SV2C: variants seen among roughly 807,000 people sequenced by gnomAD.
SV2C encodes synaptic vesicle glycoprotein 2C.
SV2C carries 49 observed loss-of-function variants against 79.7 expected under a neutral mutation model. The ratio of observed to expected loss-of-function variants is 0.61; its 90% CI spans 0.49 to 0.78. The LOEUF (loss-of-function observed/expected upper bound fraction) is 0.78. Among genes scored for constraint, SV2C ranks in the 30% least tolerant of loss-of-function variants. The pLI is 0.00. For synonymous variants in SV2C, 334 were observed against 333.2 expected (o/e 1.00, Z -0.03); for missense variants, 833 against 912.9 (o/e 0.91, Z 1.13).
the SV2C span, among the ~76,000 whole-genome samples, chr5:76,030,289 T>TTTTTTTTTTTTTTTTTTTTTTTTTTA: frequency 8.5e-6 from 1 of 117,874 alleles, no homozygotes; most frequent in Non-Finnish European, 1.7e-5. Flanking sequence ...TTTTTTTTTT[T>TTTTTTTTTTTTTTTTTTTTTTTTTTA]TTTATTTATT....
At chr5:76,184,582 A>G (rs1743851375) in intron 2 of SV2C, among the ~76,000 whole-genome samples, 1 of 152,200 alleles carries the variant, frequency 6.6e-6, no homozygotes, top group Non-Finnish European at 1.5e-5. Flanking sequence ...TCATGGCAAA[A>G]GGCACCTCTT....
At chr5:76,074,377 C>T in the SV2C span, among the ~76,000 whole-genome samples, 1 of 152,062 alleles carries the variant, frequency 6.6e-6, no homozygotes, top group African/African-American at 2.4e-5. Flanking sequence ...TGCATCTTAC[C>T]AGATGCCACA....
intron 12 of SV2C, among the ~76,000 whole-genome samples, chr5:76,306,135 A>T (rs886608561): frequency 5.3e-5 from 8 of 152,140 alleles, no homozygotes; most frequent in Non-Finnish European, 1.0e-4. Context: ...ACAGCCTCAA[A>T]CTCCTGCGCT....
the SV2C span, among the ~76,000 whole-genome samples, chr5:76,036,824 A>G: frequency 6.6e-6 from 1 of 152,144 alleles, no homozygotes; most frequent in South Asian, 2.1e-4. Flanking sequence ...CTCCTGCATA[A>G]TATCCTGCAG....
chr5:75,992,425 A>G, the SV2C span, among the ~76,000 whole-genome samples: 4 of 152,078 alleles, frequency 2.6e-5, no homozygotes, highest in African/African-American at 9.7e-5. Context: ...TTTAGTTAAT[A>G]TCAGTCCCCA....
chr5:76,064,341 C>G, the SV2C span, among the ~76,000 whole-genome samples: 1 of 152,134 alleles, frequency 6.6e-6, no homozygotes, highest in Non-Finnish European at 1.5e-5. Context: ...TCCACAAGGG[C>G]TCCTCCCACC....
upstream of SV2C, chr5:76,079,478 G>T: frequency 7.0e-6 from 2 of 284,430 alleles, no homozygotes; most frequent in South Asian, 9.4e-5. Flanking sequence ...GAGAGAATTG[G>T]ATTGTGTGAC....
At chr5:76,117,880 A>T (rs755866083) in intron 1 of SV2C, among the ~76,000 whole-genome samples, 7 of 152,212 alleles carry the variant, frequency 4.6e-5, no homozygotes, top group Non-Finnish European at 1.0e-4. Flanking sequence ...CTTAAAATAG[A>T]CTATATAAAA....
At chr5:76,086,139 T>G (rs895636073) in intron 1 of SV2C, among the ~76,000 whole-genome samples, 12 of 152,196 alleles carry the variant, frequency 7.9e-5, no homozygotes, top group African/African-American at 2.9e-4. Flanking sequence ...CCTAACAGCT[T>G]GTAGTAAAAC....
At chr5:76,005,761 C>T in the SV2C span, among the ~76,000 whole-genome samples, 4 of 152,170 alleles carry the variant, frequency 2.6e-5, no homozygotes, top group Non-Finnish European at 5.9e-5. Context: ...GAATGGAATG[C>T]AGAATGGAGG....
chr5:76,226,528 G>A (rs949701468), intron 4 of SV2C, among the ~76,000 whole-genome samples: 1 of 152,172 alleles, frequency 6.6e-6, no homozygotes, highest in Non-Finnish European at 1.5e-5. Flanking sequence ...TTCTTATAGA[G>A]ATACAATTTA....
At chr5:76,351,394 G>C (rs914591259) in intron 12 of SV2C, among the ~76,000 whole-genome samples, 1 of 151,946 alleles carries the variant, frequency 6.6e-6, no homozygotes, top group African/African-American at 2.4e-5. Context: ...GTTGCAGTGA[G>C]CCATGATCGC....
chr5:75,902,921 T>C, the SV2C span, among the ~76,000 whole-genome samples: 2 of 152,210 alleles, frequency 1.3e-5, no homozygotes, highest in African/African-American at 2.4e-5. Context: ...AGCAGGATGA[T>C]CTAAAAGGCT....
In SV2C at chr5:76,330,860, T is replaced by TTTTGGGG. The variant is rs1554048529; in HGVS notation, c.*5313_*5314insTTTGGGG. On this transcript the variant is annotated 3_prime_UTR_variant, in exon 13 of 13. Coordinates refer to ENST00000502798, the MANE Select transcript of SV2C (RefSeq NM_014979.4). The stretch of plus-strand genomic sequence containing the variant: ...CTCTAGAGCATTTTTTTTTTTTTTT[T>TTTTGGGG]GGGCGGGGGGGCGGGGGACGGAGTC... The TTTTGGGG allele has an allele frequency of 4.4e-4, 6 of 13,642 alleles. No individual in the cohort carries two copies. The highest frequency in any genetic ancestry group is 1.2e-3 in the African/African-American group (5 of 4,118). 0.8% of individuals were successfully genotyped at this position (13,642 alleles called of 1,614,324 possible).
chr5:75,971,803 T>C, the SV2C span, among the ~76,000 whole-genome samples: 1 of 152,094 alleles, frequency 6.6e-6, no homozygotes, highest in Non-Finnish European at 1.5e-5. Flanking sequence ...AACGACTTTC[T>C]TCACAGAATT....
At chr5:75,863,530 T>A in the SV2C span, among the ~76,000 whole-genome samples, 1 of 152,218 alleles carries the variant, frequency 6.6e-6, no homozygotes, top group South Asian at 2.1e-4. Context: ...TTGCAAATAA[T>A]CTGATTATCC....
the SV2C span, among the ~76,000 whole-genome samples, chr5:75,871,082 T>C: frequency 2.0e-5 from 3 of 152,304 alleles, no homozygotes; most frequent in South Asian, 6.2e-4. Flanking sequence ...ATTGAAAGAA[T>C]GGTTTAATAT....
chr5:75,872,776 G>A, the SV2C span, among the ~76,000 whole-genome samples: 1 of 152,034 alleles, frequency 6.6e-6, no homozygotes, highest in Admixed American at 6.6e-5. Flanking sequence ...GGGGAAGGGA[G>A]GAGGGATAGC....
the SV2C span, among the ~76,000 whole-genome samples, chr5:75,946,251 T>G: frequency 6.6e-6 from 1 of 152,076 alleles, no homozygotes; most frequent in Non-Finnish European, 1.5e-5. Context: ...GAATACAGTG[T>G]GATGTATATG....
Sources: allele counts gnomAD v4.1 joint callset (sites outside exome capture counted in the v4.1 genomes callset), GRCh38; gene constraint gnomAD v4.1.1; transcripts MANE v1.5; gene names NCBI Gene and HGNC (gene_info 2026-07-23, HGNC 2026-07-21).